Variants in TAX1BP1 observed in about 807,000 individuals in gnomAD.
TAX1BP1 encodes Tax1 binding protein 1.
Under a neutral mutation model 97.7 loss-of-function variants are expected in TAX1BP1, and 62 were observed. The observed-to-expected ratio is 0.63, with a 90% CI of 0.52 to 0.78. TAX1BP1 has a LOEUF of 0.78. TAX1BP1 is among the 30% of genes least tolerant of loss of function. TAX1BP1 has a pLI of 0.00. For synonymous variants in TAX1BP1, 340 were observed against 304.2 expected (o/e 1.12, Z -1.23); for missense variants, 867 against 916.1 (o/e 0.95, Z 0.69).
At chr7:27,804,038 G>C (rs1298168957) in intron 13 of TAX1BP1, among the ~76,000 whole-genome samples, 1 of 152,158 alleles carries the variant, frequency 6.6e-6, no homozygotes, top group Non-Finnish European at 1.5e-5. Context: ...TAATATTTGA[G>C]CTTTTAAGCA....
chr7:27,756,185 A>G (rs185867472), intron 2 of TAX1BP1, among the ~76,000 whole-genome samples: 2 of 152,248 alleles, frequency 1.3e-5, no homozygotes, highest in Admixed American at 1.3e-4. Flanking sequence ...TGTTCCTTCC[A>G]GTATTATCCA....
intron 15 of TAX1BP1, among the ~76,000 whole-genome samples, chr7:27,821,833 C>T (rs1333038357): frequency 6.6e-6 from 1 of 152,126 alleles, no homozygotes; most frequent in African/African-American, 2.4e-5. Flanking sequence ...TTAACCTCTT[C>T]CCATTTATTC....
At chr7:27,806,088 GTT>G (rs70974502) in intron 13 of TAX1BP1, among the ~76,000 whole-genome samples, 5 of 142,628 alleles carry the variant, frequency 3.5e-5, no homozygotes, top group Admixed American at 1.4e-4. Context: ...TAGAGTTTCA[GTT>G]TTTTTTTTTT....
At chr7:27,805,273 C>G (rs934135256) in intron 13 of TAX1BP1, among the ~76,000 whole-genome samples, 1 of 152,078 alleles carries the variant, frequency 6.6e-6, no homozygotes, top group Non-Finnish European at 1.5e-5. Context: ...GGTTAAACAT[C>G]TTATCTTTTT....
At chr7:27,784,077 A>G (rs975373450) in intron 5 of TAX1BP1, among the ~76,000 whole-genome samples, 2 of 152,188 alleles carry the variant, frequency 1.3e-5, no homozygotes, top group Admixed American at 6.5e-5. Context: ...TTAAAATGAT[A>G]TTCTATCAAG....
At chr7:27,827,621 G>T in intron 15 of TAX1BP1, 117 bp from the exon 16 acceptor site, 1 of 752,762 alleles carries the variant, frequency 1.3e-6, no homozygotes. Context: ...TGATAGCAGA[G>T]AGAAAATTTC....
intron 4 of TAX1BP1, among the ~76,000 whole-genome samples, chr7:27,767,952 G>A (rs1417435690): frequency 1.3e-5 from 2 of 151,902 alleles, no homozygotes; most frequent in Non-Finnish European, 1.5e-5. Flanking sequence ...TATTACAAAT[G>A]TGAGACATTA....
At chr7:27,786,994 G>C (rs1789511557) in intron 7 of TAX1BP1, among the ~76,000 whole-genome samples, 1 of 152,220 alleles carries the variant, frequency 6.6e-6, no homozygotes, top group Non-Finnish European at 1.5e-5. Context: ...TTCGCCTGCA[G>C]AAAATGGAAT....
intron 12 of TAX1BP1, among the ~76,000 whole-genome samples, chr7:27,798,134 A>G (rs969569957): frequency 6.6e-6 from 1 of 152,126 alleles, no homozygotes; most frequent in Non-Finnish European, 1.5e-5. Context: ...CACTTTCAGC[A>G]TGATTATTTG....
At chr7:27,789,771 T>TA (rs1165701946) in intron 8 of TAX1BP1, among the ~76,000 whole-genome samples, 3 of 152,024 alleles carry the variant, frequency 2.0e-5, no homozygotes, top group Admixed American at 6.5e-5. Context: ...ATGTAATACC[T>TA]AAAACGTCAG....
At chr7:27,760,401 T>TA (rs771542046) in intron 3 of TAX1BP1, among the ~76,000 whole-genome samples, 85 of 151,510 alleles carry the variant, frequency 5.6e-4, no homozygotes, top group Non-Finnish European at 1.1e-3. Context: ...TAGAATTTTT[T>TA]TTTTTTTTTG....
chr7:27,759,156 A>G (rs899716811), intron 3 of TAX1BP1, among the ~76,000 whole-genome samples: 3 of 152,184 alleles, frequency 2.0e-5, no homozygotes, highest in African/African-American at 7.2e-5. Context: ...CTGTCTCAGA[A>G]TAATATTTTA....
At position 27,787,592 on chromosome 7, in the gene TAX1BP1, A is replaced by G. The variant is rs1394896981; in HGVS notation, c.1027A>G (p.Thr343Ala). ...ENLQRTFLLTTSSKEDTCFLK... is the reference protein window; with the variant it reads ...ENLQRTFLLTASSKEDTCFLK... ...TCTGCAAAGAACTTTCCTGCTTACA[A>G]CCTCAAGTAAAGTAAGTACTTTTGC... Residue 343 changes from threonine to alanine, a missense_variant, in exon 8 of 17, where the codon ACC becomes GCC. This residue lies in a region of TAX1BP1 where 822 missense variants were observed against 851.4 expected (regional missense o/e 0.97). Coordinates refer to ENST00000396319, the MANE Select transcript of TAX1BP1 (RefSeq NM_006024.7). 5 of 1,607,422 alleles carry G rather than the reference A, an allele frequency of 3.1e-6. No individual in the cohort carries two copies. The highest frequency in any genetic ancestry group is 3.4e-6 in the Non-Finnish European group (4 of 1,177,602).
chr7:27,827,126 C>T (rs964256146), intron 15 of TAX1BP1, among the ~76,000 whole-genome samples: 13 of 152,236 alleles, frequency 8.5e-5, no homozygotes, highest in Admixed American at 1.3e-4. Flanking sequence ...CCAAGGAGGA[C>T]GGATCACTTG....
intron 5 of TAX1BP1, among the ~76,000 whole-genome samples, chr7:27,779,016 C>A (rs947151794): frequency 6.6e-6 from 1 of 152,006 alleles, no homozygotes; most frequent in Admixed American, 6.6e-5. Flanking sequence ...TGTCTCCAGC[C>A]CTAGGTAACC....
At chr7:27,786,172 C>G (rs1583705404) in intron 7 of TAX1BP1, among the ~76,000 whole-genome samples, 1 of 150,494 alleles carries the variant, frequency 6.6e-6, no homozygotes, top group South Asian at 2.1e-4. Context: ...CGCTCTGTCG[C>G]CCAGGCTGAA....
At chr7:27,756,520 C>T (rs1236095387) in intron 2 of TAX1BP1, among the ~76,000 whole-genome samples, 1 of 152,128 alleles carries the variant, frequency 6.6e-6, no homozygotes, top group Non-Finnish European at 1.5e-5. Context: ...TCACTTAATA[C>T]AGACACAACC....
intron 4 of TAX1BP1, among the ~76,000 whole-genome samples, chr7:27,767,888 G>C (rs918017727): frequency 1.3e-5 from 2 of 151,924 alleles, no homozygotes; most frequent in African/African-American, 4.8e-5. Flanking sequence ...ATATTTTGGT[G>C]AGTCTTTAAA....
chr7:27,768,270 G>A (rs1299025864), intron 4 of TAX1BP1, among the ~76,000 whole-genome samples: 1 of 151,910 alleles, frequency 6.6e-6, no homozygotes, highest in Non-Finnish European at 1.5e-5. Flanking sequence ...AGATAAACAT[G>A]CAAGATATTA....
Sources: gnomAD v4.1 joint callset for allele counts (sites outside exome capture counted in the v4.1 genomes callset) on GRCh38, gnomAD v4.1.1 for gene constraint, gnomAD v4.1.1 regional missense constraint, MANE v1.5 for transcripts, NCBI Gene and HGNC (gene_info 2026-07-23, HGNC 2026-07-21) for gene names.